The following CD36 variants were observed in gnomAD, a reference collection of about 807,000 sequenced individuals.
CD36 encodes platelet glycoprotein 4.
A neutral mutation model predicts 55.2 loss-of-function variants in CD36; 119 were observed. The observed-to-expected ratio is 2.15, with a 90% CI of 1.86 to 2.51. The LOEUF is 2.51. Among genes scored for constraint, CD36 ranks in the 30% most tolerant of loss-of-function variants. The pLI is 0.00. For synonymous variants in CD36, 186 were observed against 193.6 expected, an observed-to-expected ratio of 0.96 and a Z score of 0.33; for missense variants, 819 against 555.5, an observed-to-expected ratio of 1.47 and a Z score of -4.77.
At chr7:80,647,731 T>C (rs992905956) in intron 3 of CD36, among the ~76,000 whole-genome samples, 1 of 152,144 alleles carries the variant, frequency 6.6e-6, no homozygotes. Flanking sequence ...AAGAACAAGA[T>C]AAAATGAAGA....
chr7:80,673,352 C>CAGAGT lies in CD36; in HGVS notation c.1200-1_1203dup. On this transcript the variant is annotated splice_region_variant and splice_polypyrimidine_tract_variant and intron_variant, in intron 12 of 14. Coordinates refer to ENST00000447544, the MANE Select transcript of CD36 (RefSeq NM_001001548.3). The stretch of plus-strand genomic sequence containing the variant: ...TCATAATTATTTTCAACGTATATTA[C>CAGAGT]AGAGTATTAAAGAATCTGAAGAGGA... 7.4e-7 allele frequency: 1 copy of CAGAGT among 1,354,586 alleles called. No individual in the cohort carries two copies. The highest frequency in any genetic ancestry group is 1.1e-6 in the Non-Finnish European group (1 of 947,738). The allele number at this position is 1,354,586 out of a possible 1,614,324, so 83.9% of individuals were successfully genotyped here. A position where few individuals can be genotyped will look rare whatever the true frequency, so the allele number is the denominator to read the frequency against.
Position 80,674,536 on chromosome 7 carries a change from G to C in CD36, c.*389G>C, listed in dbSNP as rs542104031. On this transcript the variant is annotated intron_variant, in intron 14 of 14. Transcript: ENST00000447544. ...ATTGCTGCATGTAGACATGCTGGCC[G>C]TGCATTTTCCAAATCCAGAAAAGTC... The C allele has an allele frequency of 2.3e-4, 52 of 228,946 alleles. No homozygotes were observed. The East Asian group carries it at 3.2e-3, about 14-fold the overall frequency. 14.2% of individuals were successfully genotyped at this position (228,946 alleles called of 1,614,324 possible).
intron 8 of CD36, among the ~76,000 whole-genome samples, chr7:80,667,742 C>CTTTTTTTTTTTTTTTT (rs1554344704): frequency 2.2e-5 from 2 of 92,936 alleles, no homozygotes; most frequent in African/African-American, 7.7e-5. Flanking sequence ...CAGGGGTTTT[C>CTTTTTTTTTTTTTTTT]TTTTGTTTTT....
chr7:80,634,436 T>C (rs1429676542), upstream of CD36, among the ~76,000 whole-genome samples: 2 of 152,148 alleles, frequency 1.3e-5, no homozygotes, highest in Non-Finnish European at 2.9e-5. Flanking sequence ...GATATTCTTG[T>C]ATCTGCATAT....
chr7:80,635,552 G>A (rs1794345957), upstream of CD36, among the ~76,000 whole-genome samples: 1 of 152,128 alleles, frequency 6.6e-6, no homozygotes, highest in South Asian at 2.1e-4. Flanking sequence ...TGGGATTACA[G>A]GTGTGAGCCA....
At chr7:80,673,265 C>A in intron 12 of CD36, 90 bp from the exon 13 acceptor site, 1 of 643,432 alleles carries the variant, frequency 1.6e-6, no homozygotes, top group South Asian at 2.2e-5. Context: ...AAATTAGCAA[C>A]AGCAACTAAT....
chr7:80,655,132 C>G (rs1225459700), intron 3 of CD36, among the ~76,000 whole-genome samples: 1 of 152,104 alleles, frequency 6.6e-6, no homozygotes, highest in Non-Finnish European at 1.5e-5. Flanking sequence ...TTCCTGTGGT[C>G]ATTGTTCTCT....
chr7:80,625,512 T>C (rs1027817011), intron 1 of CD36, among the ~76,000 whole-genome samples: 1 of 152,182 alleles, frequency 6.6e-6, no homozygotes, highest in Non-Finnish European at 1.5e-5. Flanking sequence ...TGCTAATGCA[T>C]GCTCATTCAA....
At chr7:80,616,186 C>A (rs992280152) in intron 1 of CD36, among the ~76,000 whole-genome samples, 1 of 152,042 alleles carries the variant, frequency 6.6e-6, no homozygotes, top group East Asian at 1.9e-4. Flanking sequence ...TACATCTAAT[C>A]TACTGGATAT....
At chr7:80,667,716 A>AACACTG (rs1444821545) in intron 8 of CD36, among the ~76,000 whole-genome samples, 1 of 150,524 alleles carries the variant, frequency 6.6e-6, no homozygotes, top group East Asian at 1.9e-4. Context: ...AAACAGCAAA[A>AACACTG]ACACTGTTGG....
rs1584484000 is a variant in CD36, at chr7:80,679,049, G to C, written c.*2666G>C. On this transcript the variant is annotated 3_prime_UTR_variant, in exon 15 of 15. Transcript: ENST00000447544. ...CTGTCTACAATTCTAAATGGATTTTGAACTCAATGTCGTCGCTTCTGGTTT... is the reference window on the plus strand; with the variant it reads ...CTGTCTACAATTCTAAATGGATTTTCAACTCAATGTCGTCGCTTCTGGTTT... 1 of 152,178 alleles carries C rather than the reference G, an allele frequency of 6.6e-6. No homozygotes were observed. The highest frequency in any genetic ancestry group is 6.5e-5 in the Admixed American group (1 of 15,280). 9.4% of individuals were successfully genotyped at this position (152,178 alleles called of 1,614,324 possible). A position where few individuals can be genotyped will look rare whatever the true frequency, so the allele number is the denominator to read the frequency against.
At chr7:80,673,683 C>G (rs1797953911) in intron 13 of CD36, 3 of 558,186 alleles carry the variant, frequency 5.4e-6, no homozygotes, top group Non-Finnish European at 9.6e-6. Flanking sequence ...TACTATAAAT[C>G]CATGCATTGA....
intron 7 of CD36, 108 bp downstream of exon 7, chr7:80,664,605 C>T (rs1314373878): frequency 2.7e-6 from 2 of 748,860 alleles, no homozygotes; most frequent in Non-Finnish European, 4.9e-6. Flanking sequence ...TAGAACAGAC[C>T]TGGTTATAAT....
chr7:80,614,875 TC>T (rs1206214672), intron 1 of CD36, among the ~76,000 whole-genome samples: 2 of 152,178 alleles, frequency 1.3e-5, no homozygotes, highest in Non-Finnish European at 2.9e-5. Context: ...AGTCCTTTGT[TC>T]CTTTGACCTT....
intron 13 of CD36, 174 bp from the exon 14 acceptor site, chr7:80,673,809 A>G (rs1204452356): frequency 2.5e-5 from 16 of 652,904 alleles, no homozygotes; most frequent in Non-Finnish European, 2.8e-5. Context: ...ACCGTACTCT[A>G]TCTGGCACTT....
chr7:80,603,454 A>G (rs985988894), intron 1 of CD36, among the ~76,000 whole-genome samples: 1 of 152,122 alleles, frequency 6.6e-6, no homozygotes, highest in African/African-American at 2.4e-5. Flanking sequence ...AGAACTCACA[A>G]TTCAGATGGG....
intron 1 of CD36, among the ~76,000 whole-genome samples, chr7:80,641,362 GA>G (rs1352116540): frequency 1.3e-5 from 2 of 151,940 alleles, no homozygotes; most frequent in Non-Finnish European, 2.9e-5. Context: ...ATGATAATGT[GA>G]AAAAAGTAAT....
At chr7:80,672,533 G>A (rs1031713150) in intron 11 of CD36, among the ~76,000 whole-genome samples, 1 of 151,450 alleles carries the variant, frequency 6.6e-6, no homozygotes, top group Non-Finnish European at 1.5e-5. Context: ...ACCATTTCAA[G>A]TAACTCACAA....
At chr7:80,656,142 C>T (rs912750579) in intron 3 of CD36, among the ~76,000 whole-genome samples, 2 of 152,102 alleles carry the variant, frequency 1.3e-5, no homozygotes, top group African/African-American at 4.8e-5. Context: ...TTTGTTTCAT[C>T]AGTCCAACTT....
Sources: gnomAD v4.1 joint callset for allele counts (sites outside exome capture counted in the v4.1 genomes callset) on GRCh38, gnomAD v4.1.1 for gene constraint, MANE v1.5 for transcripts, NCBI Gene and HGNC (gene_info 2026-07-23, HGNC 2026-07-21) for gene names.